Variants in WWOX observed in about 807,000 individuals in gnomAD.
WWOX encodes the protein WW domain containing oxidoreductase.
In WWOX, 69 loss-of-function variants were observed where a neutral mutation model predicts 46.2. The observed-to-expected ratio is 1.49, with a 90% CI of 1.23 to 1.82. The LOEUF is 1.82. Among genes scored for constraint, WWOX ranks in the 40% most tolerant of loss-of-function variants. The pLI, the probability that WWOX is intolerant of heterozygous loss-of-function variation, is 0.00. For synonymous variants in WWOX, 359 were observed against 202.6 expected (o/e 1.77, Z -6.56); for missense variants, 919 against 542.6 (o/e 1.69, Z -6.89).
At chr16:78,499,396 A>ATAGTCTTATTTGTC (rs1339334508) in intron 8 of WWOX, among the ~76,000 whole-genome samples, 3 of 152,138 alleles carry the variant, frequency 2.0e-5, no homozygotes, top group Non-Finnish European at 2.9e-5. Context: ...TGATAGTCTC[A>ATAGTCTTATTTGTC]TAGTCTTATT....
At chr16:79,035,723 G>A (rs149461174) in intron 8 of WWOX, among the ~76,000 whole-genome samples, 2,056 of 151,964 alleles carry the variant, frequency 0.014, 21 homozygotes, top group South Asian at 0.031. Flanking sequence ...ATTTTTAGTA[G>A]GGACGGGGTT....
At chr16:78,979,488 G>T (rs2046638895) in intron 8 of WWOX, among the ~76,000 whole-genome samples, 1 of 152,140 alleles carries the variant, frequency 6.6e-6, no homozygotes, top group Non-Finnish European at 1.5e-5. Context: ...GCATGATTTT[G>T]CTCAGGACTG....
intron 8 of WWOX, among the ~76,000 whole-genome samples, chr16:78,843,212 G>T (rs1202388920): frequency 6.7e-6 from 1 of 150,084 alleles, no homozygotes; most frequent in African/African-American, 2.4e-5. Context: ...CAAAAGCAAA[G>T]ATTAGAACGT....
chr16:78,919,674 C>T (rs2045333040), intron 8 of WWOX, among the ~76,000 whole-genome samples: 2 of 152,138 alleles, frequency 1.3e-5, no homozygotes, highest in South Asian at 4.2e-4. Context: ...CACACCACCA[C>T]ACCTGGCTAA....
chr16:78,428,062 T>G (rs1178449479), intron 7 of WWOX, among the ~76,000 whole-genome samples: 1 of 152,118 alleles, frequency 6.6e-6, no homozygotes, highest in Non-Finnish European at 1.5e-5. Flanking sequence ...AGCAAGACCC[T>G]GTTTCAGAAA....
intron 8 of WWOX, among the ~76,000 whole-genome samples, chr16:78,942,914 C>G (rs1009177455): frequency 1.3e-5 from 2 of 152,092 alleles, no homozygotes; most frequent in African/African-American, 4.8e-5. Context: ...ACTGCCCATC[C>G]CCTCCTCTCT....
rs930568785 is a variant in WWOX, at chr16:78,344,725, C to G, written c.517-42135C>G. 5.7e-5 allele frequency among the ~76,000 whole-genome samples: 7 copies of G among 121,982 alleles called. 1 individual carries two copies. The highest frequency in any genetic ancestry group is 1.9e-4 in the African/African-American group (7 of 36,040). The allele number at this position is 121,982 out of a possible 152,430, so 80.0% of individuals were successfully genotyped here. A position where few individuals can be genotyped will look rare whatever the true frequency, so the allele number is the denominator to read the frequency against. The stretch of plus-strand genomic sequence containing the variant: ...GGGAAGGAATTGACTGAAAAGAATT[C>G]TCCATTCCAACTTCCCAAGTCAGTT... On this transcript the variant is annotated intron_variant, in intron 5 of 8. Transcript: ENST00000566780.
At chr16:78,726,419 C>T (rs905670584) in intron 8 of WWOX, among the ~76,000 whole-genome samples, 7 of 151,766 alleles carry the variant, frequency 4.6e-5, no homozygotes, top group African/African-American at 1.2e-4. Context: ...GGAGACGGGG[C>T]GGGGAGGTCT....
intron 1 of WWOX, among the ~76,000 whole-genome samples, chr16:78,105,550 C>A (rs1057296273): frequency 6.6e-6 from 1 of 151,806 alleles, no homozygotes. Flanking sequence ...AAGTCAAGAA[C>A]GTAGGTTGAC....
Position 78,401,457 on chromosome 16 carries a change from C to CT in WWOX, c.605+14510dup, listed in dbSNP as rs551860937. Among the ~76,000 whole-genome samples the CT allele has an allele frequency of 1.1e-4, 17 of 152,160 alleles. No individual in the cohort carries two copies. In the East Asian group the frequency reaches 3.1e-3, roughly 28 times the overall value. On this transcript the variant is annotated intron_variant, in intron 6 of 8. Coordinates refer to ENST00000566780, the MANE Select transcript of WWOX (RefSeq NM_016373.4). ...TAGCTTTGTGTAGCCCATCAATTGT[C>CT]TAAAAAAAGAGTAACCTATTTTGAT...
chr16:78,917,126 C>T lies in WWOX; in HGVS notation c.1057-294482C>T, dbSNP rs184878595. Among the ~76,000 whole-genome samples the T allele has an allele frequency of 5.3e-5, 8 of 152,296 alleles. No homozygotes were observed. The East Asian group carries it at 1.4e-3, about 26-fold the overall frequency. The stretch of plus-strand genomic sequence containing the variant: ...GCTCTTTTCCTGGAATTTAGTCTGA[C>T]GTGGCTGGGACAACATGCCCACTCT... On this transcript the variant is annotated intron_variant, in intron 8 of 8. Coordinates refer to ENST00000566780, the MANE Select transcript of WWOX (RefSeq NM_016373.4).
In WWOX at chr16:78,723,509, A is replaced by T. The variant is rs558060597; in HGVS notation, c.1056+290757A>T. ...TTCTCTCTTTCCAGCCTCATCTTCT[A>T]CTACCTTCTTCTACTCCCACACTTC... is the stretch of plus-strand genomic sequence containing the variant. On this transcript the variant is annotated intron_variant, in intron 8 of 8. Coordinates refer to ENST00000566780, the MANE Select transcript of WWOX (RefSeq NM_016373.4). Among the ~76,000 whole-genome samples, 7 of 111,168 alleles carry T rather than the reference A, an allele frequency of 6.3e-5. No individual in the cohort carries two copies. The East Asian group carries it at 1.8e-3, about 29-fold the overall frequency. 72.9% of individuals were successfully genotyped at this position (111,168 alleles called of 152,430 possible).
At chr16:78,541,672 G>A (rs2043899735) in intron 8 of WWOX, among the ~76,000 whole-genome samples, 1 of 151,860 alleles carries the variant, frequency 6.6e-6, no homozygotes. Flanking sequence ...GCTGTGAGGT[G>A]TGACATTGAA....
At chr16:79,204,219 G>C (rs1234130716) in intron 8 of WWOX, 1 of 152,056 alleles carries the variant, frequency 6.6e-6, no homozygotes, top group Non-Finnish European at 1.5e-5. Flanking sequence ...GCATCAGAGG[G>C]AATGCCCAGG....
chr16:78,519,800 C>T (rs2043310703), intron 8 of WWOX, among the ~76,000 whole-genome samples: 1 of 152,144 alleles, frequency 6.6e-6, no homozygotes, highest in Non-Finnish European at 1.5e-5. Flanking sequence ...TACCCAACAC[C>T]ACATCTACTG....
At chr16:78,537,036 C>T (rs975611693) in intron 8 of WWOX, among the ~76,000 whole-genome samples, 8 of 151,830 alleles carry the variant, frequency 5.3e-5, no homozygotes, top group South Asian at 2.1e-4. Flanking sequence ...CAGGCCTCAA[C>T]GTCCTGAGAA....
At chr16:78,568,580 A>C (rs750209782) in intron 8 of WWOX, among the ~76,000 whole-genome samples, 11 of 148,464 alleles carry the variant, frequency 7.4e-5, no homozygotes, top group Non-Finnish European at 1.6e-4. Context: ...GATTCAAGCG[A>C]GTTTCCTGCC....
intron 8 of WWOX, among the ~76,000 whole-genome samples, chr16:78,942,384 C>T (rs1258277677): frequency 6.6e-6 from 1 of 152,118 alleles, no homozygotes; most frequent in African/African-American, 2.4e-5. Context: ...ATTTGATACT[C>T]TCTTTTGCAC....
intron 8 of WWOX, among the ~76,000 whole-genome samples, chr16:79,022,980 A>G (rs190365170): frequency 2.0e-5 from 3 of 152,264 alleles, no homozygotes; most frequent in East Asian, 3.9e-4. Context: ...ATTAAATAAG[A>G]TAATGTAAAT....
Sources: gnomAD v4.1 joint callset for allele counts (sites outside exome capture counted in the v4.1 genomes callset) on GRCh38, gnomAD v4.1.1 for gene constraint, MANE v1.5 for transcripts, NCBI Gene and HGNC (gene_info 2026-07-23, HGNC 2026-07-21) for gene names.